Variants in NOTCH2NLC observed in about 807,000 individuals in gnomAD.
The protein encoded by NOTCH2NLC is notch 2 N-terminal like C, also known as notch homolog 2 N-terminal-like protein C.
Under a neutral mutation model 17.7 loss-of-function variants are expected in NOTCH2NLC, and 4 were observed. That is an observed-to-expected ratio of 0.23 (90% confidence interval 0.11 to 0.52). The LOEUF is 0.52. Ranked by LOEUF, NOTCH2NLC falls within the 20% of genes least tolerant of loss-of-function variation. The pLI is 0.96. For missense variants in NOTCH2NLC, 57 were observed against 207.2 expected (o/e 0.28, Z 4.45); for synonymous variants, 18 against 86.0 (o/e 0.21, Z 4.38).
At chr1:149,400,165 C>T (rs1236614010) in intron 1 of NOTCH2NLC, among the ~76,000 whole-genome samples, 1 of 134,188 alleles carries the variant, frequency 7.5e-6, no homozygotes, top group African/African-American at 2.7e-5. Context: ...ATGAACAGAT[C>T]TACATATATA....
chr1:149,471,575 A>G lies in NOTCH2NLC; in HGVS notation c.*7422A>G, dbSNP rs1347034436. On this transcript the variant is annotated 3_prime_UTR_variant, in exon 5 of 5. Transcript: ENST00000650865. ...TGAATTAAGTGCCCAGAACAAGTACATCTATATATAGAGAAAGTAGATTAG... is the reference window on the plus strand; with the variant it reads ...TGAATTAAGTGCCCAGAACAAGTACGTCTATATATAGAGAAAGTAGATTAG... Among the ~76,000 whole-genome samples the G allele has an allele frequency of 1.3e-5, 2 of 150,296 alleles. No individual in the cohort carries two copies. The highest frequency in any genetic ancestry group is 3.0e-5 in the Non-Finnish European group (2 of 67,400).
intron 2 of NOTCH2NLC, among the ~76,000 whole-genome samples, chr1:149,445,896 CG>C (rs1276127194): frequency 1.3e-3 from 128 of 100,532 alleles, no homozygotes; most frequent in South Asian, 2.3e-3. Flanking sequence ...GCCAAATCCT[CG>C]TTTTAAAAAA....
At chr1:149,453,400 C>T (rs1309452660) in intron 2 of NOTCH2NLC, among the ~76,000 whole-genome samples, 16 of 148,986 alleles carry the variant, frequency 1.1e-4, no homozygotes, top group African/African-American at 3.9e-4. Context: ...CAGGGTTTCA[C>T]CATGTTGGCC....
intron 3 of NOTCH2NLC, among the ~76,000 whole-genome samples, chr1:149,460,673 C>T (rs2084639295): frequency 6.7e-6 from 1 of 148,274 alleles, no homozygotes; most frequent in African/African-American, 2.5e-5. Context: ...CTATTTTTGT[C>T]TATCACTTTA....
chr1:149,393,065 G>C (rs1479952588), intron 1 of NOTCH2NLC, among the ~76,000 whole-genome samples: 2 of 97,188 alleles, frequency 2.1e-5, no homozygotes, highest in Non-Finnish European at 1.9e-5. Flanking sequence ...GCGAGACTCC[G>C]TCTCAAAAAA....
At chr1:149,429,399 T>G (rs2084431468) in intron 1 of NOTCH2NLC, among the ~76,000 whole-genome samples, 1 of 149,884 alleles carries the variant, frequency 6.7e-6, no homozygotes, top group African/African-American at 2.5e-5. Flanking sequence ...ATTCAAATTC[T>G]AGCTTTCTAA....
intron 1 of NOTCH2NLC, among the ~76,000 whole-genome samples, chr1:149,396,690 C>T (rs1331153140): frequency 1.4e-5 from 2 of 145,700 alleles, no homozygotes; most frequent in Non-Finnish European, 3.0e-5. Context: ...GGGAGAATCA[C>T]ATTTATCAAG....
In NOTCH2NLC at chr1:149,471,765, A is replaced by C. The variant is rs1353706308; in HGVS notation, c.*7612A>C. On this transcript the variant is annotated 3_prime_UTR_variant, in exon 5 of 5. Transcript: ENST00000650865. ...CTGAAATATATGCTTAAAAATGGTG[A>C]TTTTTGTGATATATGAATTATACTA... 6.9e-6 allele frequency among the ~76,000 whole-genome samples: 1 copy of C among 144,004 alleles called. No homozygotes were observed. The highest frequency in any genetic ancestry group is 1.5e-5 in the Non-Finnish European group (1 of 65,864). 94.5% of individuals were successfully genotyped at this position (144,004 alleles called of 152,430 possible).
chr1:149,423,229 C>G (rs2101482239), intron 1 of NOTCH2NLC, among the ~76,000 whole-genome samples: 1 of 149,532 alleles, frequency 6.7e-6, no homozygotes, highest in East Asian at 2.0e-4. Flanking sequence ...ATCGATTTAT[C>G]TCTTATTGCT....
chr1:149,448,882 ATT>A (rs1292799939), intron 2 of NOTCH2NLC, among the ~76,000 whole-genome samples: 11 of 129,222 alleles, frequency 8.5e-5, no homozygotes, highest in Non-Finnish European at 9.8e-5. Flanking sequence ...CTAGCTGTGA[ATT>A]TTTTTTTTTT....
At chr1:149,410,202 CTTCT>C (rs2084291342) in intron 1 of NOTCH2NLC, among the ~76,000 whole-genome samples, 1 of 140,342 alleles carries the variant, frequency 7.1e-6, no homozygotes, top group South Asian at 2.4e-4. Context: ...AAAGCCAGGT[CTTCT>C]ATCTGCTCTT....
chr1:149,425,436 G>C (rs1355348020), intron 1 of NOTCH2NLC, among the ~76,000 whole-genome samples: 1 of 151,434 alleles, frequency 6.6e-6, no homozygotes, highest in Non-Finnish European at 1.5e-5. Flanking sequence ...ATGACGATCT[G>C]TTCAGGAAAG....
chr1:149,433,960 A>G (rs1211234736), intron 2 of NOTCH2NLC, among the ~76,000 whole-genome samples: 2 of 147,512 alleles, frequency 1.4e-5, no homozygotes, highest in East Asian at 2.0e-4. Context: ...AAAAAAAAAA[A>G]AAAGAAAATG....
Position 149,406,670 on chromosome 1 carries a change from T to A in NOTCH2NLC, c.135+15748T>A. On this transcript the variant is annotated intron_variant, in intron 1 of 4. Transcript: ENST00000650865. ...ACAAGCCACTTAACTTCTTTAAGTC[T>A]CAGTATCCGTATTTATATAATGGGA... Among the ~76,000 whole-genome samples the A allele has an allele frequency of 2.0e-5, 3 of 151,070 alleles. No individual in the cohort carries two copies. In the Middle Eastern group the frequency reaches 0.01, roughly 514 times the overall value.
intron 3 of NOTCH2NLC, among the ~76,000 whole-genome samples, chr1:149,463,245 C>T (rs1468534559): frequency 2.7e-5 from 4 of 148,974 alleles, no homozygotes; most frequent in African/African-American, 9.8e-5. Flanking sequence ...TTCAATGTGA[C>T]TAACCTACAA....
Position 149,398,266 on chromosome 1 carries a change from TTGTC to T in NOTCH2NLC, c.135+7347_135+7350del, listed in dbSNP as rs1369010075. Among the ~76,000 whole-genome samples, 14 of 150,272 alleles carry T rather than the reference TTGTC, an allele frequency of 9.3e-5. 1 individual carries two copies. Among genetic ancestry groups the T allele is most frequent in the Non-Finnish European group, 5.9e-5 (4 of 67,372 alleles). On this transcript the variant is annotated intron_variant, in intron 1 of 4. Transcript: ENST00000650865. Reference sequence around the variant, plus strand: ...GCTTGGGGAAAAGACAAAAACCCCTTTGTCTGGTGAGGGTGTAAATATAAATTTG... The same window carrying T: ...GCTTGGGGAAAAGACAAAAACCCCTTTGGTGAGGGTGTAAATATAAATTTG...
At chr1:149,424,850 G>C (rs2084404101) in intron 1 of NOTCH2NLC, among the ~76,000 whole-genome samples, 3 of 151,086 alleles carry the variant, frequency 2.0e-5, no homozygotes, top group Non-Finnish European at 3.0e-5. Flanking sequence ...GAGGGAGCAA[G>C]AGAGATGTCA....
intron 3 of NOTCH2NLC, among the ~76,000 whole-genome samples, chr1:149,460,470 C>A (rs2084636680): frequency 6.8e-6 from 1 of 147,542 alleles, no homozygotes; most frequent in Non-Finnish European, 1.5e-5. Context: ...TCCTGAGTAG[C>A]TGGGACTACA....
At chr1:149,435,359 A>G (rs2084476070) in intron 2 of NOTCH2NLC, among the ~76,000 whole-genome samples, 1 of 140,756 alleles carries the variant, frequency 7.1e-6, no homozygotes, top group Non-Finnish European at 1.5e-5. Context: ...ATCTCCCACT[A>G]AAGAATGTTG....
Sources: gnomAD v4.1 joint callset for allele counts (sites outside exome capture counted in the v4.1 genomes callset) on GRCh38, gnomAD v4.1.1 for gene constraint, MANE v1.5 for transcripts, NCBI Gene and HGNC (gene_info 2026-07-23, HGNC 2026-07-21) for gene names.